Variants in SPOCK1 observed in about 807,000 individuals in gnomAD.
SPOCK1 encodes SPARC (osteonectin), cwcv and kazal like domains proteoglycan 1.
SPOCK1 carries 23 observed loss-of-function variants against 55.3 expected under a neutral mutation model. That is an observed-to-expected ratio of 0.42 (90% confidence interval 0.30 to 0.59). SPOCK1 has a LOEUF of 0.59. Among genes scored for constraint, SPOCK1 ranks in the 20% least tolerant of loss-of-function variants. SPOCK1 has a pLI of 0.22. For synonymous variants in SPOCK1, 226 were observed against 221.0 expected (o/e 1.02, Z -0.20); for missense variants, 499 against 552.5 (o/e 0.90, Z 0.97).
intron 3 of SPOCK1, among the ~76,000 whole-genome samples, chr5:137,257,426 G>C (rs1158188986): frequency 6.6e-6 from 1 of 152,106 alleles, no homozygotes; most frequent in Non-Finnish European, 1.5e-5. Context: ...GAACCTCAGA[G>C]AGTTCTCGAG....
At chr5:137,026,172 G>A (rs1751670792) in intron 6 of SPOCK1, among the ~76,000 whole-genome samples, 1 of 152,234 alleles carries the variant, frequency 6.6e-6, no homozygotes, top group South Asian at 2.1e-4. Flanking sequence ...GCTCAGTGTG[G>A]TCAGGAAATG....
At chr5:137,429,649 G>A (rs1752703824) in intron 2 of SPOCK1, among the ~76,000 whole-genome samples, 1 of 152,184 alleles carries the variant, frequency 6.6e-6, no homozygotes, top group Non-Finnish European at 1.5e-5. Context: ...GAAAAGGAAA[G>A]GGGATTTCCC....
intron 3 of SPOCK1, among the ~76,000 whole-genome samples, chr5:137,210,599 G>C (rs148877573): frequency 1.6e-3 from 248 of 152,178 alleles, no homozygotes; most frequent in African/African-American, 5.7e-3. Flanking sequence ...TCAGATACAC[G>C]GTCTGGGACT....
chr5:137,315,199 C>A (rs1038509730), intron 2 of SPOCK1, among the ~76,000 whole-genome samples: 1 of 152,208 alleles, frequency 6.6e-6, no homozygotes. Context: ...CACTAGGAAG[C>A]CTTCCAAGGT....
intron 2 of SPOCK1, among the ~76,000 whole-genome samples, chr5:137,322,901 C>A (rs1023183424): frequency 2.0e-5 from 3 of 152,050 alleles, no homozygotes; most frequent in African/African-American, 7.2e-5. Context: ...CTAGTAAGGA[C>A]CTTCTTGCTA....
intron 2 of SPOCK1, among the ~76,000 whole-genome samples, chr5:137,386,810 G>A (rs377155761): frequency 1.7e-4 from 26 of 152,068 alleles, no homozygotes; most frequent in African/African-American, 6.3e-4. Context: ...CGATAAGCTG[G>A]ACCTCATTAA....
chr5:137,169,032 T>G (rs1293594993), intron 3 of SPOCK1, among the ~76,000 whole-genome samples: 1 of 152,162 alleles, frequency 6.6e-6, no homozygotes, highest in Admixed American at 6.6e-5. Context: ...AGGAATGAGA[T>G]CTTGTCATTT....
chr5:137,413,962 C>T (rs1174194341), intron 2 of SPOCK1, among the ~76,000 whole-genome samples: 2 of 152,164 alleles, frequency 1.3e-5, no homozygotes, highest in Non-Finnish European at 2.9e-5. Flanking sequence ...CACCTGTTCT[C>T]CTGAAACAAA....
At chr5:137,065,023 T>C (rs1236939064) in intron 6 of SPOCK1, among the ~76,000 whole-genome samples, 1 of 151,618 alleles carries the variant, frequency 6.6e-6, no homozygotes, top group Non-Finnish European at 1.5e-5. Flanking sequence ...AGGCCAGGAG[T>C]TCAAGACCAG....
intron 3 of SPOCK1, among the ~76,000 whole-genome samples, chr5:137,192,406 G>A (rs1018984511): frequency 7.9e-5 from 12 of 152,106 alleles, no homozygotes; most frequent in Non-Finnish European, 1.6e-4. Flanking sequence ...ACACGGCAGA[G>A]TCGTGTTATT....
intron 6 of SPOCK1, among the ~76,000 whole-genome samples, chr5:137,065,475 C>T (rs1429452803): frequency 1.3e-5 from 2 of 152,148 alleles, no homozygotes; most frequent in African/African-American, 4.8e-5. Flanking sequence ...GAACTACTGA[C>T]ACTTCAATTA....
chr5:137,100,617 C>T (rs1020673644), intron 5 of SPOCK1, among the ~76,000 whole-genome samples: 1 of 152,198 alleles, frequency 6.6e-6, no homozygotes, highest in African/African-American at 2.4e-5. Context: ...AAGTTTCTTA[C>T]CTGCCTGCCA....
rs1750811492 is a variant in SPOCK1, at chr5:136,985,036, T to C, written c.991+104A>G. On this transcript the variant is annotated intron_variant, in intron 9 of 10. Coordinates refer to ENST00000394945, the MANE Select transcript of SPOCK1 (RefSeq NM_004598.4). ...GGGTTAAAACAAGGCATTTCTTTCA[T>C]GAAACACTAGCCCTAATTGAATAAC... The C allele has an allele frequency of 5.1e-6, 6 of 1,182,602 alleles. No homozygotes were observed. In the South Asian group the frequency reaches 7.4e-5, roughly 15 times the overall value. The allele number at this position is 1,182,602 out of a possible 1,614,324, so 73.3% of individuals were successfully genotyped here.
At chr5:137,179,757 G>A (rs1194372925) in intron 3 of SPOCK1, among the ~76,000 whole-genome samples, 1 of 152,050 alleles carries the variant, frequency 6.6e-6, no homozygotes, top group East Asian at 1.9e-4. Context: ...ATGAGACTTG[G>A]GGCAGTCCCC....
intron 2 of SPOCK1, among the ~76,000 whole-genome samples, chr5:137,353,895 C>T (rs1367727423): frequency 2.6e-5 from 4 of 152,158 alleles, no homozygotes; most frequent in Admixed American, 2.0e-4. Context: ...CATACCCTCC[C>T]TCTACAGATA....
intron 3 of SPOCK1, among the ~76,000 whole-genome samples, chr5:137,247,088 G>A (rs573578792): frequency 1.2e-4 from 18 of 152,358 alleles, no homozygotes; most frequent in African/African-American, 3.8e-4. Flanking sequence ...TCTGAAGGAT[G>A]AAGAGACATC....
chr5:137,138,710 C>A (rs1485625786), intron 4 of SPOCK1, among the ~76,000 whole-genome samples: 2 of 150,426 alleles, frequency 1.3e-5, no homozygotes, highest in Non-Finnish European at 1.5e-5. Context: ...AACCCCCCCC[C>A]CCCAAAAAAA....
chr5:137,453,272 A>T (rs993310745), intron 2 of SPOCK1, among the ~76,000 whole-genome samples: 1 of 152,200 alleles, frequency 6.6e-6, no homozygotes, highest in African/African-American at 2.4e-5. Flanking sequence ...TGATTCCACT[A>T]AAAAGCAGTG....
intron 5 of SPOCK1, among the ~76,000 whole-genome samples, chr5:137,097,793 T>C (rs894233413): frequency 6.6e-6 from 1 of 152,162 alleles, no homozygotes; most frequent in South Asian, 2.1e-4. Flanking sequence ...ATCTGCCACA[T>C]TGGGTGCTGC....
Sources: gnomAD v4.1 joint callset for allele counts (sites outside exome capture counted in the v4.1 genomes callset) on GRCh38, gnomAD v4.1.1 for gene constraint, MANE v1.5 for transcripts, NCBI Gene and HGNC (gene_info 2026-07-23, HGNC 2026-07-21) for gene names.